Variants in DENND1A observed in about 807,000 individuals in gnomAD.
The protein encoded by DENND1A is DENN domain containing 1A.
DENND1A carries 51 observed loss-of-function variants against 113.7 expected under a neutral mutation model. The observed-to-expected ratio is 0.45, with a 90% CI of 0.36 to 0.57. The LOEUF (loss-of-function observed/expected upper bound fraction) is 0.57, where lower values mean the gene tolerates loss of function less well. DENND1A is among the 20% of genes least tolerant of loss of function. The pLI, the probability that DENND1A is intolerant of heterozygous loss-of-function variation, is 0.00. For synonymous variants in DENND1A, 565 were observed against 570.8 expected, an observed-to-expected ratio of 0.99 and a Z score of 0.14; for missense variants, 1,258 against 1,395.9, an observed-to-expected ratio of 0.90 and a Z score of 1.57.
intron 11 of DENND1A, among the ~76,000 whole-genome samples, chr9:123,594,704 T>C (rs915442327): frequency 1.3e-5 from 2 of 152,152 alleles, no homozygotes; most frequent in Non-Finnish European, 2.9e-5. Flanking sequence ...AATTTGCCCG[T>C]GTTCTTACAA....
chr9:123,662,393 C>T (rs1314857869), intron 8 of DENND1A, among the ~76,000 whole-genome samples: 5 of 152,166 alleles, frequency 3.3e-5, no homozygotes, highest in East Asian at 1.9e-4. Flanking sequence ...GAAACCCCAT[C>T]TGTACTAAAA....
intron 13 of DENND1A, among the ~76,000 whole-genome samples, chr9:123,476,183 C>CAA (rs796448765): frequency 1.6e-5 from 2 of 123,410 alleles, no homozygotes; most frequent in Admixed American, 8.3e-5. Context: ...GACCACATCT[C>CAA]AAAAAAAAAA....
At chr9:123,442,491 G>T (rs1387371653) in intron 18 of DENND1A, among the ~76,000 whole-genome samples, 1 of 152,154 alleles carries the variant, frequency 6.6e-6, no homozygotes, top group Non-Finnish European at 1.5e-5. Context: ...TCCAGGTGAA[G>T]ATCCTACAAG....
At chr9:123,635,707 AC>A (rs1292959595) in intron 9 of DENND1A, among the ~76,000 whole-genome samples, 1 of 152,234 alleles carries the variant, frequency 6.6e-6, no homozygotes, top group Admixed American at 6.5e-5. Context: ...AGTGTCTTTA[AC>A]CCACAGGAAA....
rs16926568 is a variant in DENND1A, at chr9:123,523,067, T to C, written c.993+34503A>G. 5.4e-3 allele frequency among the ~76,000 whole-genome samples: 819 copies of C among 152,324 alleles called. 8 individuals are homozygous for C. The East Asian group carries it at 0.062, about 12-fold the overall frequency. Reference sequence around the variant, plus strand: ...GTGAGGCCACATCTAATTGCTAACATATGGGAGTTAGGAGACCACAATTGG... The same window carrying C: ...GTGAGGCCACATCTAATTGCTAACACATGGGAGTTAGGAGACCACAATTGG... On this transcript the variant is annotated intron_variant, in intron 13 of 23. Transcript: ENST00000394215.
At chr9:123,402,246 A>G (rs1324011785) in intron 21 of DENND1A, among the ~76,000 whole-genome samples, 2 of 144,296 alleles carry the variant, frequency 1.4e-5, no homozygotes, top group African/African-American at 2.8e-5. Flanking sequence ...ACACGTGCAC[A>G]CACACACACA....
At chr9:123,628,356 A>C (rs1304275979) in intron 10 of DENND1A, among the ~76,000 whole-genome samples, 1 of 151,776 alleles carries the variant, frequency 6.6e-6, no homozygotes, top group African/African-American at 2.4e-5. Flanking sequence ...CTGTGCTAGA[A>C]GCCAGATGAC....
chr9:123,401,850 G>C, intron 21 of DENND1A: 1 of 1,614,200 alleles, frequency 6.2e-7, no homozygotes, highest in Non-Finnish European at 8.5e-7. Context: ...CGGGAACTTG[G>C]CCGCAAAATG....
chr9:123,480,971 G>A (rs747867818), intron 13 of DENND1A, among the ~76,000 whole-genome samples: 8 of 152,256 alleles, frequency 5.3e-5, no homozygotes, highest in Admixed American at 2.0e-4. Flanking sequence ...ATAGACATGC[G>A]CACACATTGT....
chr9:123,877,350 G>C (rs185821603), intron 2 of DENND1A, among the ~76,000 whole-genome samples: 190 of 152,068 alleles, frequency 1.2e-3, no homozygotes, highest in Non-Finnish European at 2.3e-3. Context: ...TTAGCCGGAC[G>C]TGGTGGTGGG....
At chr9:123,519,536 C>G (rs1247432088) in intron 13 of DENND1A, among the ~76,000 whole-genome samples, 1 of 151,982 alleles carries the variant, frequency 6.6e-6, no homozygotes, top group Non-Finnish European at 1.5e-5. Context: ...CTGCCAGGTT[C>G]AAGTGATCCT....
Position 123,614,368 on chromosome 9 carries a change from G to C in DENND1A, c.720-4887C>G, listed in dbSNP as rs28506859. On this transcript the variant is annotated intron_variant, in intron 10 of 23. Coordinates refer to ENST00000394215, the MANE Select transcript of DENND1A (RefSeq NM_001352964.2). The stretch of plus-strand genomic sequence containing the variant: ...GTGATGCTGAGCGCTTCTCTGACAG[G>C]TAAGTCCTATGGCATGAGCTTATTC... 8.7e-3 allele frequency among the ~76,000 whole-genome samples: 1,319 copies of C among 152,314 alleles called. 18 individuals carry two copies. The highest frequency in any genetic ancestry group is 0.03 in the African/African-American group (1,248 of 41,566).
chr9:123,463,630 C>T (rs868287543), intron 13 of DENND1A, among the ~76,000 whole-genome samples: 4 of 152,144 alleles, frequency 2.6e-5, no homozygotes, highest in Non-Finnish European at 4.4e-5. Context: ...TTAATGTCGG[C>T]CAGGAGTAGT....
chr9:123,722,124 G>C (rs2067385077), intron 5 of DENND1A, among the ~76,000 whole-genome samples: 1 of 152,176 alleles, frequency 6.6e-6, no homozygotes, highest in South Asian at 2.1e-4. Flanking sequence ...GAACCTGCTG[G>C]GAACTGGAGC....
In DENND1A at chr9:123,387,842, G is replaced by T. The variant is rs1031743687; in HGVS notation, c.1648C>A (p.Arg550=). The T allele has an allele frequency of 7.8e-7, 1 of 1,290,042 alleles. No homozygotes were observed. Among genetic ancestry groups the T allele is most frequent in the African/African-American group, 1.5e-5 (1 of 65,972 alleles). 79.9% of individuals were successfully genotyped at this position (1,290,042 alleles called of 1,614,324 possible). Residue 550 remains arginine, a synonymous_variant, in exon 22 of 24, where the codon CGA becomes AGA. Coordinates refer to ENST00000394215, the MANE Select transcript of DENND1A (RefSeq NM_001352964.2). ...PSPEHLVKPL[R]HYAVFLSEDS... The stretch of plus-strand genomic sequence containing the variant: ...TCGGAGAGGAAGACCGCATAGTGTC[G>T]CAAGGGCTTTACCAGGCTGGGGCAG...
At chr9:123,392,198 C>A (rs902225993) in intron 21 of DENND1A, among the ~76,000 whole-genome samples, 1 of 152,090 alleles carries the variant, frequency 6.6e-6, no homozygotes, top group Non-Finnish European at 1.5e-5. Context: ...GGGATCGCAC[C>A]GGCTTATTTT....
At chr9:123,861,148 T>C (rs1845002317) in intron 2 of DENND1A, among the ~76,000 whole-genome samples, 2 of 152,122 alleles carry the variant, frequency 1.3e-5, no homozygotes, top group Non-Finnish European at 2.9e-5. Context: ...CCCAACCCCC[T>C]TCCAGGATAA....
chr9:123,680,396 A>G (rs530718117), intron 5 of DENND1A, among the ~76,000 whole-genome samples: 11 of 152,360 alleles, frequency 7.2e-5, no homozygotes, highest in African/African-American at 2.2e-4. Context: ...CGGCCCTTGT[A>G]AGGAGGGCAA....
At chr9:123,736,827 C>G (rs1250285097) in intron 5 of DENND1A, among the ~76,000 whole-genome samples, 1 of 152,198 alleles carries the variant, frequency 6.6e-6, no homozygotes, top group East Asian at 1.9e-4. Flanking sequence ...GAGGTAGATA[C>G]AGGTCAGACG....
Sources: allele counts gnomAD v4.1 joint callset (sites outside exome capture counted in the v4.1 genomes callset), GRCh38; gene constraint gnomAD v4.1.1; transcripts MANE v1.5; gene names NCBI Gene and HGNC (gene_info 2026-07-23, HGNC 2026-07-21).